Variants in CADPS2 observed in about 807,000 individuals in gnomAD.
The protein encoded by CADPS2 is calcium dependent secretion activator 2.
In CADPS2, 93 loss-of-function variants were observed where a neutral mutation model predicts 172.5. The observed-to-expected ratio is 0.54, with a 90% CI of 0.46 to 0.64. The LOEUF (loss-of-function observed/expected upper bound fraction) is 0.64. Among genes scored for constraint, CADPS2 ranks in the 30% least tolerant of loss-of-function variants. The pLI, the probability that CADPS2 is intolerant of heterozygous loss-of-function variation, is 0.00. For missense variants in CADPS2, 1,420 were observed against 1,565.9 expected (o/e 0.91, Z 1.57); for synonymous variants, 546 against 555.2 (o/e 0.98, Z 0.23).
intron 7 of CADPS2, among the ~76,000 whole-genome samples, chr7:122,568,345 T>C (rs2402617): frequency 0.11 from 17,351 of 152,200 alleles, 1,287 homozygotes; most frequent in African/African-American, 0.2. Flanking sequence ...GGTCATTTCA[T>C]AATGATAAAA....
intron 20 of CADPS2, among the ~76,000 whole-genome samples, chr7:122,406,055 C>G (rs2046601929): frequency 6.6e-6 from 1 of 152,158 alleles, no homozygotes; most frequent in Non-Finnish European, 1.5e-5. Flanking sequence ...TTGTTAATTA[C>G]TCTAACATGA....
chr7:122,691,182 G>A lies in CADPS2; in HGVS notation c.454-27613C>T, dbSNP rs761263747. Among the ~76,000 whole-genome samples the A allele has an allele frequency of 6.7e-4, 102 of 152,014 alleles. 1 individual carries two copies. Among genetic ancestry groups the A allele is most frequent in the Admixed American group, 6.5e-5 (1 of 15,272 alleles). On this transcript the variant is annotated intron_variant, in intron 2 of 29. Coordinates refer to ENST00000449022, the MANE Select transcript of CADPS2 (RefSeq NM_017954.11). ...CACCCATCCTGCTATCAGGTAAGTC[G>A]TCCATATGACGACTGTAACCCATTC... is the stretch of plus-strand genomic sequence containing the variant.
intron 7 of CADPS2, among the ~76,000 whole-genome samples, chr7:122,556,721 C>T (rs767019237): frequency 6.6e-6 from 1 of 152,070 alleles, no homozygotes; most frequent in Non-Finnish European, 1.5e-5. Flanking sequence ...ATTTATTGCT[C>T]AGCTCTGTTC....
intron 1 of CADPS2, among the ~76,000 whole-genome samples, chr7:122,835,947 C>T (rs994832096): frequency 2.6e-5 from 4 of 152,076 alleles, no homozygotes; most frequent in Middle Eastern, 6.8e-3. Flanking sequence ...AGATACTCCT[C>T]GAGAAGAGCA....
At chr7:122,435,068 G>A (rs2050456987) in intron 17 of CADPS2, among the ~76,000 whole-genome samples, 1 of 152,100 alleles carries the variant, frequency 6.6e-6, no homozygotes, top group African/African-American at 2.4e-5. Flanking sequence ...TACCTACAAA[G>A]TATTAGCAAT....
chr7:122,464,768 C>T (rs10270544), intron 14 of CADPS2, among the ~76,000 whole-genome samples: 1,920 of 152,182 alleles, frequency 0.013, 46 homozygotes, highest in African/African-American at 0.044. Context: ...ACAAAAAAAT[C>T]CCTAAGAAAC....
chr7:122,845,729 T>C (rs902496528), intron 1 of CADPS2, among the ~76,000 whole-genome samples: 1 of 152,202 alleles, frequency 6.6e-6, no homozygotes, highest in Admixed American at 6.5e-5. Flanking sequence ...TTTGGGCTTT[T>C]AACTATGACA....
At chr7:122,629,762 CTT>C (rs1444899703) in intron 3 of CADPS2, among the ~76,000 whole-genome samples, 1 of 152,076 alleles carries the variant, frequency 6.6e-6, no homozygotes, top group Non-Finnish European at 1.5e-5. Context: ...TAAAAGTACT[CTT>C]TGATTGACTG....
In CADPS2 at chr7:122,794,993, G is replaced by A. The variant is rs1271467232; in HGVS notation, c.340-57925C>T. On this transcript the variant is annotated intron_variant, in intron 1 of 29. Transcript: ENST00000449022. Reference sequence around the variant, plus strand: ...CCATGTTAAGAGGGAAATTTGTAGCGCTAAATGCCCACATCAGAAAGTTAC... The same window carrying A: ...CCATGTTAAGAGGGAAATTTGTAGCACTAAATGCCCACATCAGAAAGTTAC... Among the ~76,000 whole-genome samples, 6 of 152,022 alleles carry A rather than the reference G, an allele frequency of 3.9e-5. No homozygotes were observed. In the East Asian group the frequency reaches 7.7e-4, roughly 20 times the overall value.
At chr7:122,680,063 T>C (rs1403401739) in intron 2 of CADPS2, among the ~76,000 whole-genome samples, 2 of 152,254 alleles carry the variant, frequency 1.3e-5, no homozygotes, top group African/African-American at 2.4e-5. Context: ...TCAGCTATGT[T>C]AGATTTCTCT....
At chr7:122,543,256 C>T (rs762758277) in intron 8 of CADPS2, among the ~76,000 whole-genome samples, 3 of 152,018 alleles carry the variant, frequency 2.0e-5, no homozygotes, top group Non-Finnish European at 4.4e-5. Flanking sequence ...CTGTGTTTTG[C>T]CAGCTTAAAC....
At chr7:122,436,223 T>G in intron 17 of CADPS2, 1 of 390,458 alleles carries the variant, frequency 2.6e-6, no homozygotes, top group Non-Finnish European at 4.4e-6. Context: ...TTCACAGCTA[T>G]TTACCTCCAA....
chr7:122,323,863 T>C, intron 29 of CADPS2, among the ~76,000 whole-genome samples: 1 of 141,480 alleles, frequency 7.1e-6, no homozygotes, highest in South Asian at 2.2e-4. Context: ...ATTATATACA[T>C]ATGTATATTT....
intron 1 of CADPS2, among the ~76,000 whole-genome samples, chr7:122,844,442 A>G (rs1811407194): frequency 6.6e-6 from 1 of 151,884 alleles, no homozygotes; most frequent in African/African-American, 2.4e-5. Flanking sequence ...CCTAAACGAC[A>G]TATCTTTTCA....
At position 122,554,532 on chromosome 7, in the gene CADPS2, C is replaced by G; in HGVS notation, c.1475+18G>C. 6.5e-7 allele frequency: 1 copy of G among 1,546,106 alleles called. No homozygotes were observed. The highest frequency in any genetic ancestry group is 8.7e-7 in the Non-Finnish European group (1 of 1,147,866). On this transcript the variant is annotated intron_variant, in intron 8 of 29. Transcript: ENST00000449022. The stretch of plus-strand genomic sequence containing the variant: ...AAATTCAATAATTCAGGAAAAAAAT[C>G]CTCAAATTTATACTCACCCACTATG...
intron 18 of CADPS2, among the ~76,000 whole-genome samples, chr7:122,415,819 C>T (rs1048385363): frequency 6.6e-6 from 1 of 152,080 alleles, no homozygotes; most frequent in Admixed American, 6.6e-5. Flanking sequence ...TGAAATTATA[C>T]ACACACACAA....
At chr7:122,751,735 C>T (rs577278123) in intron 1 of CADPS2, among the ~76,000 whole-genome samples, 38 of 152,258 alleles carry the variant, frequency 2.5e-4, no homozygotes, top group African/African-American at 9.1e-4. Context: ...CTGCCACATG[C>T]TACACTGATC....
intron 2 of CADPS2, among the ~76,000 whole-genome samples, chr7:122,696,104 G>A (rs753281766): frequency 1.1e-4 from 17 of 152,090 alleles, no homozygotes; most frequent in Admixed American, 8.5e-4. Flanking sequence ...ACCCCCATCC[G>A]CTGCTATCCT....
At chr7:122,733,333 C>A (rs1183616714) in intron 2 of CADPS2, among the ~76,000 whole-genome samples, 1 of 151,876 alleles carries the variant, frequency 6.6e-6, no homozygotes, top group Non-Finnish European at 1.5e-5. Context: ...ATAAGTACTG[C>A]AATACCCATT....
Sources: gnomAD v4.1 joint callset for allele counts (sites outside exome capture counted in the v4.1 genomes callset) on GRCh38, gnomAD v4.1.1 for gene constraint, MANE v1.5 for transcripts, NCBI Gene and HGNC (gene_info 2026-07-23, HGNC 2026-07-21) for gene names.